Variants in ANXA8 observed in about 807,000 individuals in gnomAD.
ANXA8 encodes annexin A8.
ANXA8 carries 9 observed loss-of-function variants against 26.8 expected under a neutral mutation model. The ratio of observed to expected loss-of-function variants is 0.34; its 90% CI spans 0.20 to 0.59. The LOEUF (loss-of-function observed/expected upper bound fraction) is 0.59. Ranked by LOEUF, ANXA8 falls within the 20% of genes least tolerant of loss-of-function variation. The pLI is 0.84. For synonymous variants in ANXA8, 39 were observed against 94.8 expected (o/e 0.41, Z 3.42); for missense variants, 83 against 238.5 (o/e 0.35, Z 4.29).
chr10:47,600,194 G>A, the ANXA8 span, among the ~76,000 whole-genome samples: 1 of 149,164 alleles, frequency 6.7e-6, no homozygotes, highest in Non-Finnish European at 1.5e-5. Flanking sequence ...GTACAATGTG[G>A]GAATAGGCTG....
At chr10:47,474,269 C>T in intron 8 of ANXA8, 36 bp downstream of exon 8, 1 of 1,583,472 alleles carries the variant, frequency 6.3e-7, no homozygotes. Context: ...AGGACACCCC[C>T]TGTGGCCCCG....
the ANXA8 span, among the ~76,000 whole-genome samples, chr10:47,650,893 A>G: frequency 6.6e-6 from 1 of 150,376 alleles, no homozygotes; most frequent in Non-Finnish European, 1.5e-5. Flanking sequence ...AAATACACAC[A>G]TGAAAAGGTG....
chr10:47,733,157 C>CTT, the ANXA8 span, among the ~76,000 whole-genome samples: 2 of 93,116 alleles, frequency 2.1e-5, no homozygotes, highest in East Asian at 3.9e-4. Flanking sequence ...TTCTTTCTTT[C>CTT]TTTCTTTCTT....
At chr10:47,663,636 G>A in the ANXA8 span, among the ~76,000 whole-genome samples, 3 of 132,324 alleles carry the variant, frequency 2.3e-5, 1 homozygote, top group Admixed American at 7.4e-5. Context: ...CTCCTGCCTC[G>A]GCCTCCCAAA....
chr10:47,530,444 T>G, the ANXA8 span, among the ~76,000 whole-genome samples: 1 of 148,412 alleles, frequency 6.7e-6, no homozygotes, highest in Non-Finnish European at 1.5e-5. Flanking sequence ...TCCCAGCACT[T>G]TGGGAGGCTG....
the ANXA8 span, among the ~76,000 whole-genome samples, chr10:47,972,118 GGAGAGAGAATAATGGTT>G: frequency 9.5e-6 from 1 of 104,820 alleles, no homozygotes; most frequent in Admixed American, 9.8e-5. Context: ...ACCAGGGGAT[GGAGAGAGAATAATGGTT>G]GTCAGGACGG....
chr10:47,710,285 C>T, the ANXA8 span: 71 of 1,412,188 alleles, frequency 5.0e-5, no homozygotes, highest in South Asian at 8.5e-4. Flanking sequence ...CAAAACATTC[C>T]TACCTCAGAG....
the ANXA8 span, among the ~76,000 whole-genome samples, chr10:47,703,265 A>G: frequency 9.5e-5 from 14 of 146,850 alleles, no homozygotes; most frequent in Non-Finnish European, 1.8e-4. Context: ...GAGAGAAAAG[A>G]AAAAAAAATA....
At chr10:47,514,104 G>A in the ANXA8 span, among the ~76,000 whole-genome samples, 3 of 140,996 alleles carry the variant, frequency 2.1e-5, 1 homozygote, top group South Asian at 4.5e-4. Flanking sequence ...CAGAGTGGGA[G>A]GAAATCTTCG....
chr10:47,680,034 G>A, the ANXA8 span, among the ~76,000 whole-genome samples: 3 of 151,364 alleles, frequency 2.0e-5, no homozygotes, highest in East Asian at 5.8e-4. Context: ...GGAGTGCAAT[G>A]GCATAGTCTT....
chr10:47,606,376 C>T, the ANXA8 span, among the ~76,000 whole-genome samples: 583 of 146,854 alleles, frequency 4.0e-3, no homozygotes, highest in Non-Finnish European at 6.6e-3. Flanking sequence ...AGCCACACTC[C>T]TGAACCAGAG....
the ANXA8 span, among the ~76,000 whole-genome samples, chr10:47,651,285 A>G: frequency 1.8e-5 from 1 of 56,702 alleles, no homozygotes; most frequent in Admixed American, 1.5e-4. Context: ...AAAAATCTCA[A>G]AAAAAAAAAA....
chr10:47,535,327 A>T, the ANXA8 span, among the ~76,000 whole-genome samples: 4 of 130,638 alleles, frequency 3.1e-5, no homozygotes, highest in Non-Finnish European at 6.2e-5. Context: ...AATAACAATG[A>T]ATGGCGGTAC....
the ANXA8 span, chr10:47,986,974 T>C: frequency 1.9e-5 from 10 of 528,222 alleles, 1 homozygote; most frequent in South Asian, 1.4e-4. Flanking sequence ...CCAAGATCTG[T>C]CTGCAAGGGA....
the ANXA8 span, among the ~76,000 whole-genome samples, chr10:47,519,207 C>G: frequency 1.5e-5 from 2 of 133,472 alleles, no homozygotes; most frequent in African/African-American, 3.0e-5. Flanking sequence ...GTGGCTGAAG[C>G]CTGTAATCCC....
At chr10:47,719,955 T>A in the ANXA8 span, 2 of 1,304,562 alleles carry the variant, frequency 1.5e-6, no homozygotes, top group African/African-American at 3.2e-5. Context: ...CAACATCATA[T>A]ATACTGGCTG....
At chr10:47,943,530 G>A in the ANXA8 span, among the ~76,000 whole-genome samples, 1 of 147,044 alleles carries the variant, frequency 6.8e-6, no homozygotes, top group Admixed American at 6.7e-5. Context: ...GCGGGGAGTG[G>A]GGGAAGGAGG....
At chr10:47,899,798 GCCAAAAATAT>G in the ANXA8 span, among the ~76,000 whole-genome samples, 4 of 129,832 alleles carry the variant, frequency 3.1e-5, no homozygotes, top group Non-Finnish European at 6.5e-5. Flanking sequence ...ACCATGCCTG[GCCAAAAATAT>G]CTTTATCAAT....
the ANXA8 span, among the ~76,000 whole-genome samples, chr10:47,552,898 C>T: frequency 6.6e-6 from 1 of 151,822 alleles, no homozygotes; most frequent in East Asian, 1.9e-4. Context: ...TAGTATCTTC[C>T]GTGCCATGCA....
Sources: gnomAD v4.1 joint callset for allele counts (sites outside exome capture counted in the v4.1 genomes callset) on GRCh38, gnomAD v4.1.1 for gene constraint, MANE v1.5 for transcripts, NCBI Gene and HGNC (gene_info 2026-07-23, HGNC 2026-07-21) for gene names.